Variants in NCAM2 observed in about 807,000 individuals in gnomAD.
The protein encoded by NCAM2 is N-CAM-2.
A neutral mutation model predicts 98.1 loss-of-function variants in NCAM2; 30 were observed. The observed-to-expected ratio is 0.31, with a 90% CI of 0.23 to 0.41. The LOEUF (loss-of-function observed/expected upper bound fraction) is 0.41. Among genes scored for constraint, NCAM2 ranks in the 10% least tolerant of loss-of-function variants. The probability of loss-of-function intolerance (pLI) is 1.00; values close to 1 mark genes in which losing one functional copy is unlikely to be tolerated. For synonymous variants in NCAM2, 368 were observed against 342.4 expected (o/e 1.07, Z -0.83); for missense variants, 867 against 1,005.8 (o/e 0.86, Z 1.87).
chr21:21,396,059 G>A (rs1044737447), intron 9 of NCAM2, among the ~76,000 whole-genome samples: 3 of 151,366 alleles, frequency 2.0e-5, no homozygotes, highest in African/African-American at 4.9e-5. Flanking sequence ...AGAAATAATC[G>A]GCCAGTAAAC....
chr21:21,453,126 A>G (rs887463183), intron 12 of NCAM2, among the ~76,000 whole-genome samples: 4 of 138,026 alleles, frequency 2.9e-5, no homozygotes, highest in African/African-American at 1.1e-4. Flanking sequence ...TAATAACAAA[A>G]TATATATAGT....
At chr21:21,080,431 A>G (rs1188115584) in intron 1 of NCAM2, among the ~76,000 whole-genome samples, 1 of 151,976 alleles carries the variant, frequency 6.6e-6, no homozygotes, top group Non-Finnish European at 1.5e-5. Flanking sequence ...AGCCTGACCA[A>G]CATGGAGAAA....
intron 9 of NCAM2, among the ~76,000 whole-genome samples, chr21:21,409,198 T>C (rs1391018739): frequency 6.6e-6 from 1 of 152,134 alleles, no homozygotes; most frequent in Non-Finnish European, 1.5e-5. Flanking sequence ...GTTACAATAT[T>C]TGGCATTTGA....
chr21:21,080,097 C>T (rs1353724480), intron 1 of NCAM2, among the ~76,000 whole-genome samples: 2 of 151,932 alleles, frequency 1.3e-5, no homozygotes, highest in East Asian at 3.9e-4. Context: ...CCAAACAAAA[C>T]AAAAACAAAA....
At position 21,147,094 on chromosome 21, in the gene NCAM2, C is replaced by T. The variant is rs951674238; in HGVS notation, c.56-133484C>T. ...GAACTGATACCCTTTGCCTTCTACT[C>T]CGGAACTCATACCCTTTGCCTTCTA... On this transcript the variant is annotated intron_variant, in intron 1 of 17. Transcript: ENST00000400546. 79 of 963,794 alleles carry T rather than the reference C, an allele frequency of 8.2e-5. 1 individual carries two copies. Among genetic ancestry groups the T allele is most frequent in the Non-Finnish European group, 9.4e-5 (77 of 817,426 alleles). The allele number at this position is 963,794 out of a possible 1,614,324, so 59.7% of individuals were successfully genotyped here.
intron 1 of NCAM2, among the ~76,000 whole-genome samples, chr21:21,126,463 T>C (rs1219252859): frequency 6.6e-6 from 1 of 151,912 alleles, no homozygotes; most frequent in Non-Finnish European, 1.5e-5. Context: ...TTTGATGTAT[T>C]TGTTTATATT....
chr21:21,200,846 G>A lies in NCAM2; in HGVS notation c.56-79732G>A, dbSNP rs185054380. ...AATTAGTCTTATAAACTGTGTGTGT[G>A]TTTGTGTGTGTGAGAGAGTTTTCTT... On this transcript the variant is annotated intron_variant, in intron 1 of 17. Transcript: ENST00000400546. Among the ~76,000 whole-genome samples, 23 of 148,166 alleles carry A rather than the reference G, an allele frequency of 1.6e-4. No homozygotes were observed. In the Admixed American group the frequency reaches 1.6e-3, roughly 10 times the overall value.
At chr21:21,165,589 T>C (rs2067925101) in intron 1 of NCAM2, among the ~76,000 whole-genome samples, 1 of 152,194 alleles carries the variant, frequency 6.6e-6, no homozygotes, top group Admixed American at 6.5e-5. Flanking sequence ...ATTCTTTCTT[T>C]GGAATGTGCA....
intron 1 of NCAM2, among the ~76,000 whole-genome samples, chr21:21,009,883 C>CTGTGTGTGTGTGTGTGTGTGTGTGTGTG (rs5842868): frequency 3.6e-5 from 5 of 139,736 alleles, no homozygotes; most frequent in East Asian, 2.2e-4. Flanking sequence ...CCTCTGATAG[C>CTGTGTGTGTGTGTGTGTGTGTGTGTGTG]TGTGTGTGTG....
At chr21:21,357,717 T>C (rs897377080) in intron 8 of NCAM2, among the ~76,000 whole-genome samples, 1 of 152,108 alleles carries the variant, frequency 6.6e-6, no homozygotes, top group African/African-American at 2.4e-5. Flanking sequence ...ATTTCTACCT[T>C]TTTACCAAAC....
chr21:21,157,365 A>G (rs1223198667), intron 1 of NCAM2, among the ~76,000 whole-genome samples: 4 of 152,126 alleles, frequency 2.6e-5, no homozygotes, highest in Non-Finnish European at 4.4e-5. Flanking sequence ...AGTCTTAACT[A>G]TATTTGGCAC....
Position 21,126,773 on chromosome 21 carries a change from A to C in NCAM2, c.55+128155A>C, listed in dbSNP as rs550078484. On this transcript the variant is annotated intron_variant, in intron 1 of 17. Transcript: ENST00000400546. ...AATATCAGTGTGTTTGATTAGCTGT[A>C]ATGTTGAAAAAATCCAAGATAATTT... Among the ~76,000 whole-genome samples, 7 of 152,178 alleles carry C rather than the reference A, an allele frequency of 4.6e-5. No homozygotes were observed. In the East Asian group the frequency reaches 1.3e-3, roughly 29 times the overall value.
intron 1 of NCAM2, among the ~76,000 whole-genome samples, chr21:21,093,112 A>G (rs768684498): frequency 1.4e-4 from 22 of 152,130 alleles, no homozygotes; most frequent in South Asian, 8.3e-4. Context: ...ATTATTTAAT[A>G]AGAATAATAA....
At chr21:21,304,892 A>AT (rs1453721867) in intron 5 of NCAM2, among the ~76,000 whole-genome samples, 1 of 152,220 alleles carries the variant, frequency 6.6e-6, no homozygotes, top group African/African-American at 2.4e-5. Context: ...ATGCTATTAT[A>AT]AACCACATTT....
intron 1 of NCAM2, among the ~76,000 whole-genome samples, chr21:21,058,144 C>CAAAAAAAAAAA (rs56355387): frequency 9.6e-6 from 1 of 104,456 alleles, no homozygotes; most frequent in Non-Finnish European, 2.0e-5. Flanking sequence ...TAAGTCTCTT[C>CAAAAAAAAAAA]AAAAAAAAAA....
chr21:21,438,219 T>A (rs907137406), intron 12 of NCAM2, among the ~76,000 whole-genome samples: 12 of 152,152 alleles, frequency 7.9e-5, no homozygotes, highest in African/African-American at 2.7e-4. Context: ...CACTTATTGA[T>A]GTGTCCAATT....
intron 12 of NCAM2, among the ~76,000 whole-genome samples, chr21:21,448,153 A>G (rs542499546): frequency 6.6e-6 from 1 of 152,182 alleles, no homozygotes; most frequent in South Asian, 2.1e-4. Flanking sequence ...CCAAATGCCC[A>G]TCAATGATAG....
chr21:21,357,110 A>G lies in NCAM2; in HGVS notation c.1045-16753A>G, dbSNP rs866324119. On this transcript the variant is annotated intron_variant, in intron 8 of 17. Coordinates refer to ENST00000400546, the MANE Select transcript of NCAM2 (RefSeq NM_004540.5). ...AAATTAGTAGTCATTTTTTATGAAT[A>G]TACACTTTTGAAATATGCAGTTTTC... is the stretch of plus-strand genomic sequence containing the variant. Among the ~76,000 whole-genome samples, 9 of 152,332 alleles carry G rather than the reference A, an allele frequency of 5.9e-5. No homozygotes were observed. The Middle Eastern group carries it at 0.01, about 173-fold the overall frequency.
At position 21,045,367 on chromosome 21, in the gene NCAM2, G is replaced by T. The variant is rs111505898; in HGVS notation, c.55+46749G>T. ...CAGAATAGATAGAAACTAGGCTGGG[G>T]TTATGGAAGCTCATGCCTGTAATTC... On this transcript the variant is annotated intron_variant, in intron 1 of 17. Coordinates refer to ENST00000400546, the MANE Select transcript of NCAM2 (RefSeq NM_004540.5). Among the ~76,000 whole-genome samples the T allele has an allele frequency of 3.9e-5, 6 of 152,290 alleles. No individual in the cohort carries two copies. The South Asian group carries it at 1.2e-3, about 32-fold the overall frequency.
Sources: gnomAD v4.1 joint callset for allele counts (sites outside exome capture counted in the v4.1 genomes callset) on GRCh38, gnomAD v4.1.1 for gene constraint, MANE v1.5 for transcripts, NCBI Gene and HGNC (gene_info 2026-07-23, HGNC 2026-07-21) for gene names.